The following ZNF804B variants were observed in gnomAD, a reference collection of about 807,000 sequenced individuals.
ZNF804B encodes zinc finger 804B.
ZNF804B carries 80 observed loss-of-function variants against 101.4 expected under a neutral mutation model. The observed-to-expected ratio is 0.79, with a 90% CI of 0.66 to 0.95. The LOEUF (loss-of-function observed/expected upper bound fraction) is 0.95. Among genes scored for constraint, ZNF804B ranks in the 40% least tolerant of loss-of-function variants. The pLI is 0.00. For synonymous variants in ZNF804B, 622 were observed against 558.8 expected (o/e 1.11, Z -1.59); for missense variants, 1,673 against 1,561.9 (o/e 1.07, Z -1.20).
chr7:88,968,573 C>T (rs989645839), intron 1 of ZNF804B, among the ~76,000 whole-genome samples: 1 of 151,554 alleles, frequency 6.6e-6, no homozygotes, highest in Non-Finnish European at 1.5e-5. Context: ...GCCTTGAACA[C>T]TGCCTGAAAC....
At position 89,218,137 on chromosome 7, in the gene ZNF804B, A is replaced by T. The variant is rs4140973; in HGVS notation, c.109-18A>T. On this transcript the variant is annotated intron_variant, in intron 1 of 3. Coordinates refer to ENST00000333190, the MANE Select transcript of ZNF804B (RefSeq NM_181646.5). ...TTAGAGAGAAGTCTAACCAACATTT[A>T]TGTATTTTTTCTTAAAGGATTTTGC... 679,588 of 1,215,536 alleles carry T rather than the reference A, an allele frequency of 0.56. 146,296 individuals are homozygous for T. The highest frequency in any genetic ancestry group is 0.61 in the African/African-American group (33,415 of 55,146). 75.3% of individuals were successfully genotyped at this position (1,215,536 alleles called of 1,614,324 possible). A position where few individuals can be genotyped will look rare whatever the true frequency, so the allele number is the denominator to read the frequency against.
intron 1 of ZNF804B, among the ~76,000 whole-genome samples, chr7:89,200,094 G>C (rs2115646803): frequency 6.6e-6 from 1 of 151,782 alleles, no homozygotes; most frequent in East Asian, 1.9e-4. Flanking sequence ...CTGTGAGAGT[G>C]ATATTGTTAT....
intron 1 of ZNF804B, among the ~76,000 whole-genome samples, chr7:89,215,395 C>T (rs1189515270): frequency 6.6e-6 from 1 of 152,072 alleles, no homozygotes; most frequent in African/African-American, 2.4e-5. Context: ...GACCATTGAA[C>T]TACTGTCATA....
chr7:89,174,148 C>A (rs1170672984), intron 1 of ZNF804B, among the ~76,000 whole-genome samples: 1 of 151,902 alleles, frequency 6.6e-6, no homozygotes, highest in African/African-American at 2.4e-5. Context: ...TGAATGTACA[C>A]AACTTTTTGT....
intron 1 of ZNF804B, among the ~76,000 whole-genome samples, chr7:88,876,286 T>C (rs1442740947): frequency 7.9e-5 from 12 of 152,182 alleles, no homozygotes; most frequent in Non-Finnish European, 1.8e-4. Context: ...AGTGACTCTT[T>C]CCTATCACAT....
intron 1 of ZNF804B, among the ~76,000 whole-genome samples, chr7:88,814,837 T>C (rs1300522347): frequency 2.6e-5 from 4 of 151,916 alleles, no homozygotes; most frequent in African/African-American, 9.7e-5. Context: ...TTTTTTACTT[T>C]TGTTTCCCCT....
chr7:88,887,932 G>T (rs1005522808), intron 1 of ZNF804B, among the ~76,000 whole-genome samples: 5 of 152,062 alleles, frequency 3.3e-5, no homozygotes, highest in Non-Finnish European at 5.9e-5. Flanking sequence ...ATATATCTGA[G>T]AATTGCTATT....
At chr7:89,003,862 C>A (rs1161181448) in intron 1 of ZNF804B, among the ~76,000 whole-genome samples, 2 of 151,858 alleles carry the variant, frequency 1.3e-5, no homozygotes, top group African/African-American at 4.8e-5. Flanking sequence ...GTACCACTTC[C>A]TTTATTATGT....
intron 1 of ZNF804B, among the ~76,000 whole-genome samples, chr7:88,886,395 C>A (rs1039039279): frequency 2.6e-5 from 4 of 152,052 alleles, no homozygotes; most frequent in Non-Finnish European, 5.9e-5. Flanking sequence ...TTACAACAAA[C>A]CCCTGTGACA....
At chr7:88,941,270 C>T (rs145539327) in intron 1 of ZNF804B, among the ~76,000 whole-genome samples, 6 of 151,810 alleles carry the variant, frequency 4.0e-5, no homozygotes, top group African/African-American at 1.5e-4. Flanking sequence ...TGGTATTTAC[C>T]CAGAGGAGAT....
chr7:88,898,658 T>A (rs1259233017), intron 1 of ZNF804B, among the ~76,000 whole-genome samples: 1 of 152,160 alleles, frequency 6.6e-6, no homozygotes, highest in Non-Finnish European at 1.5e-5. Flanking sequence ...TCTCAGTCTT[T>A]ACCTTCCCCT....
intron 1 of ZNF804B, among the ~76,000 whole-genome samples, chr7:89,148,079 G>A (rs1366307263): frequency 6.6e-6 from 1 of 151,906 alleles, no homozygotes; most frequent in Non-Finnish European, 1.5e-5. Context: ...CACCTACATA[G>A]GCTGTGCTTA....
chr7:88,811,983 G>T (rs890010297), intron 1 of ZNF804B, among the ~76,000 whole-genome samples: 13 of 152,022 alleles, frequency 8.6e-5, no homozygotes, highest in African/African-American at 3.1e-4. Context: ...AAAAAATTGA[G>T]AACTTTTTGA....
chr7:89,138,892 C>A (rs1288531750), intron 1 of ZNF804B, among the ~76,000 whole-genome samples: 1 of 152,090 alleles, frequency 6.6e-6, no homozygotes, highest in African/African-American at 2.4e-5. Flanking sequence ...CTTCCCCAGC[C>A]ACATGGAACT....
intron 1 of ZNF804B, among the ~76,000 whole-genome samples, chr7:89,072,877 A>G (rs2116300332): frequency 6.6e-6 from 1 of 152,232 alleles, no homozygotes; most frequent in Non-Finnish European, 1.5e-5. Context: ...ACTATATATC[A>G]TAAAGATATA....
chr7:89,076,893 G>A (rs1169279770), intron 1 of ZNF804B, among the ~76,000 whole-genome samples: 2 of 152,132 alleles, frequency 1.3e-5, no homozygotes, highest in Admixed American at 6.5e-5. Flanking sequence ...AGCACTGCTG[G>A]GGGAATGAAC....
chr7:89,066,840 G>A (rs1789462212), intron 1 of ZNF804B, among the ~76,000 whole-genome samples: 1 of 151,878 alleles, frequency 6.6e-6, no homozygotes, highest in African/African-American at 2.4e-5. Flanking sequence ...TCAGCTCACC[G>A]CAACCTCCGC....
chr7:89,223,034 T>C (rs907506452), intron 2 of ZNF804B, among the ~76,000 whole-genome samples: 12 of 151,886 alleles, frequency 7.9e-5, no homozygotes, highest in African/African-American at 2.9e-4. Context: ...ATATATTTTT[T>C]CAAATTTCAA....
chr7:88,875,345 C>T (rs1166617665), intron 1 of ZNF804B, among the ~76,000 whole-genome samples: 2 of 151,826 alleles, frequency 1.3e-5, no homozygotes, highest in African/African-American at 4.8e-5. Context: ...CACAAAAAAC[C>T]CTTCAAAAAA....
Sources: gnomAD v4.1 joint callset for allele counts (sites outside exome capture counted in the v4.1 genomes callset) on GRCh38, gnomAD v4.1.1 for gene constraint, MANE v1.5 for transcripts, NCBI Gene and HGNC (gene_info 2026-07-23, HGNC 2026-07-21) for gene names.